ARHGAP33: variants seen among roughly 807,000 people sequenced by gnomAD.
ARHGAP33 encodes the protein Rho GTPase activating protein 33.
A neutral mutation model predicts 126.2 loss-of-function variants in ARHGAP33; 57 were observed. The observed-to-expected ratio is 0.45, with a 90% CI of 0.36 to 0.56. The LOEUF (loss-of-function observed/expected upper bound fraction) is 0.56, where lower values mean the gene tolerates loss of function less well. Ranked by LOEUF, ARHGAP33 falls within the 20% of genes least tolerant of loss-of-function variation. The pLI, the probability that ARHGAP33 is intolerant of heterozygous loss-of-function variation, is 0.00. For missense variants in ARHGAP33, 1,500 were observed against 1,748.3 expected (o/e 0.86, Z 2.53); for synonymous variants, 711 against 755.0 (o/e 0.94, Z 0.95).
At chr19:35,785,522 C>A in intron 19 of ARHGAP33, 39 bp downstream of exon 19, 1 of 1,612,482 alleles carries the variant, frequency 6.2e-7, no homozygotes, top group South Asian at 1.1e-5. Flanking sequence ...TACCTGTGCC[C>A]ATGTGGAGCC....
In ARHGAP33 at chr19:35,778,570, C is replaced by T. The variant is rs750869355; in HGVS notation, c.377C>T (p.Pro126Leu). 6.2e-7 allele frequency: 1 copy of T among 1,614,038 alleles called. No individual in the cohort carries two copies. Among genetic ancestry groups the T allele is most frequent in the South Asian group, 1.1e-5 (1 of 91,060 alleles). Reference sequence around the variant, plus strand: ...AGGTTCTCCTGCCTTCCGGAGCTTCCCCCGCCCCCCGAGGGTGCCAGGGCT... The same window carrying T: ...AGGTTCTCCTGCCTTCCGGAGCTTCTCCCGCCCCCCGAGGGTGCCAGGGCT... ...DRRFSCLPEL[P>L]PPPEGARAAQ... Residue 126 changes from proline to leucine, a missense_variant, in exon 5 of 21, where the codon CCC becomes CTC. Pro to Leu is a moderately conservative substitution (Grantham distance 98). Around this residue, in one of 6 missense-constraint regions of ARHGAP33, gnomAD observed 75 missense variants for 152.7 expected, o/e 0.49. Transcript: ENST00000007510.
At chr19:35,776,074 C>T (rs1460691735) in intron 1 of ARHGAP33, among the ~76,000 whole-genome samples, 1 of 149,866 alleles carries the variant, frequency 6.7e-6, no homozygotes, top group Non-Finnish European at 1.5e-5. Context: ...TCCCCACAGC[C>T]CCTTTCTCAT....
intron 19 of ARHGAP33, chr19:35,785,706 A>G: frequency 7.1e-7 from 1 of 1,398,638 alleles, no homozygotes; most frequent in African/African-American, 1.5e-5. Flanking sequence ...CGGGCCCTTT[A>G]AAAGTCTTTA....
rs938752616 is a variant in ARHGAP33 at position 35,786,015 on chromosome 19, C to T, written c.1943-398C>T. On this transcript the variant is annotated intron_variant, in intron 19 of 20. Coordinates refer to ENST00000007510, the MANE Select transcript of ARHGAP33 (RefSeq NM_001366178.1). The surrounding 1 kb of genome is among the most constrained non-coding windows in gnomAD (Gnocchi z 7.0). ...TCCATCGCTACCTCACAGCCCGCCG[C>T]GCTGCTGGGTGCTGCTCTCCGACCT... is the stretch of plus-strand genomic sequence containing the variant. 24 of 1,121,050 alleles carry T rather than the reference C, an allele frequency of 2.1e-5. No homozygotes were observed. Among genetic ancestry groups the T allele is most frequent in the African/African-American group, 1.5e-4 (9 of 61,312 alleles). The allele number at this position is 1,121,050 out of a possible 1,614,324, so 69.4% of individuals were successfully genotyped here.
chr19:35,782,244 C>A lies in ARHGAP33; in HGVS notation c.1086-129C>A. 9.6e-7 allele frequency: 1 copy of A among 1,042,600 alleles called. No homozygotes were observed. 64.6% of individuals were successfully genotyped at this position (1,042,600 alleles called of 1,614,324 possible). On this transcript the variant is annotated intron_variant, in intron 12 of 20. Transcript: ENST00000007510. The surrounding 1 kb of genome is among the most constrained non-coding windows in gnomAD (Gnocchi z 4.1). Reference sequence around the variant, plus strand: ...AGTAAGGTTCTGCCTCTGAAGAGCCCAGTGTAGGACCTGGGGAAGAGGGTT... The same window carrying A: ...AGTAAGGTTCTGCCTCTGAAGAGCCAAGTGTAGGACCTGGGGAAGAGGGTT...
Position 35,786,144 on chromosome 19 carries a change from C to A in ARHGAP33, c.1943-269C>A. On this transcript the variant is annotated intron_variant, in intron 19 of 20. Coordinates refer to ENST00000007510, the MANE Select transcript of ARHGAP33 (RefSeq NM_001366178.1). This position sits in a 1 kb window ranked among gnomAD's most constrained non-coding sequence, Gnocchi z 7.0. ...CTGGGGTACTGCCCTCCCACATACC[C>A]AGGAGCCCAGGTGCTGTCCTGCTGG... The A allele has an allele frequency of 7.4e-7, 1 of 1,349,254 alleles. No homozygotes were observed. The highest frequency in any genetic ancestry group is 9.5e-7 in the Non-Finnish European group (1 of 1,053,714). 83.6% of individuals were successfully genotyped at this position (1,349,254 alleles called of 1,614,324 possible).
chr19:35,787,862 C>G lies in ARHGAP33; in HGVS notation c.3297C>G (p.Gly1099=). The change falls in exon 21 of 21, where the codon GGC becomes GGG. Residue 1099 remains glycine, a synonymous_variant. Coordinates refer to ENST00000007510, the MANE Select transcript of ARHGAP33 (RefSeq NM_001366178.1). ...IGASEGSPYS[G]PTRSWSPFRS... ...CAAGTGAGGGGTCCCCCTATTCTGG[C>G]CCCACCCGCTCCTGGAGTCCCTTTC... 1 of 1,608,876 alleles carries G rather than the reference C, an allele frequency of 6.2e-7. No individual in the cohort carries two copies. The highest frequency in any genetic ancestry group is 1.3e-5 in the African/African-American group (1 of 74,686).
At chr19:35,780,704 C>T (rs1971716997) in intron 9 of ARHGAP33, 53 bp from the exon 10 acceptor site, 7 of 1,612,396 alleles carry the variant, frequency 4.3e-6, no homozygotes, top group Non-Finnish European at 5.9e-6. Context: ...GGTGGGGCCT[C>T]CTGCGTCTTT....
At chr19:35,780,878 C>G (rs377024802) in intron 10 of ARHGAP33, 42 bp from the exon 11 acceptor site, 2 of 1,612,308 alleles carry the variant, frequency 1.2e-6, no homozygotes, top group Non-Finnish European at 1.7e-6. Context: ...CCATGCTGAC[C>G]CCACAAGACC....
At chr19:35,778,630 C>T in intron 5 of ARHGAP33, 29 bp downstream of exon 5, 1 of 1,604,624 alleles carries the variant, frequency 6.2e-7, no homozygotes, top group Non-Finnish European at 8.5e-7. Flanking sequence ...CAGCCCCTGC[C>T]TCATGAGTGT....
rs766601180 is a variant in ARHGAP33 at position 35,786,932 on chromosome 19, C to T, written c.2462C>T (p.Thr821Ile). 22 of 1,610,936 alleles carry T rather than the reference C, an allele frequency of 1.4e-5. No individual in the cohort carries two copies. Among genetic ancestry groups the T allele is most frequent in the Non-Finnish European group, 1.9e-5 (22 of 1,179,596 alleles). Residue 821 changes from threonine (T) to isoleucine (I), a missense_variant, in exon 20 of 21, where the codon ACC becomes ATC. By Grantham distance (89) the Thr-to-Ile change is moderately conservative. Around this residue, in one of 6 missense-constraint regions of ARHGAP33, gnomAD observed 642 missense variants for 634.0 expected, o/e 1.01. Coordinates refer to ENST00000007510, the MANE Select transcript of ARHGAP33 (RefSeq NM_001366178.1). This position sits in a 1 kb window ranked among gnomAD's most constrained non-coding sequence, Gnocchi z 7.0. ...GCTGGGGGAGCACCTGCCTCAGCCA[C>T]CCCAACACCAGCTCTCAGCCCCGGC... ...LGAGGAPASATPTPALSPGRS... is the reference protein window; with the variant it reads ...LGAGGAPASAIPTPALSPGRS...
rs1972106474 is a variant in ARHGAP33, at chr19:35,786,289, C to T, written c.1943-124C>T. 7.0e-7 allele frequency: 1 copy of T among 1,436,016 alleles called. No homozygotes were observed. Among genetic ancestry groups the T allele is most frequent in the Non-Finnish European group, 9.1e-7 (1 of 1,099,682 alleles). 89.0% of individuals were successfully genotyped at this position (1,436,016 alleles called of 1,614,324 possible). On this transcript the variant is annotated intron_variant, in intron 19 of 20. Transcript: ENST00000007510. The surrounding 1 kb of genome is among the most constrained non-coding windows in gnomAD (Gnocchi z 7.0). ...TGGTCTCCACTGTCAATCTGAACAGCTCTTCCTGGCTTCACACTACTGTGG... is the reference window on the plus strand; with the variant it reads ...TGGTCTCCACTGTCAATCTGAACAGTTCTTCCTGGCTTCACACTACTGTGG...
chr19:35,785,499 A>T lies in ARHGAP33; in HGVS notation c.1942+16A>T. The T allele has an allele frequency of 6.2e-7, 1 of 1,614,106 alleles. No homozygotes were observed. The highest frequency in any genetic ancestry group is 8.5e-7 in the Non-Finnish European group (1 of 1,179,976). ...AGCGGGGCTGGTGAGCAAGGCGGGC[A>T]ATTGGGGGGCGCTACCTGTGCCCAT... On this transcript the variant is annotated intron_variant, in intron 19 of 20. Transcript: ENST00000007510.
chr19:35,785,064 C>T lies in ARHGAP33; in HGVS notation c.1679C>T (p.Thr560Met), dbSNP rs746433492. The T allele has an allele frequency of 1.9e-6, 3 of 1,562,790 alleles. No homozygotes were observed. The highest frequency in any genetic ancestry group is 2.4e-5 in the East Asian group (1 of 42,126). ...ARTQGRLGTP[T>M]EPTTPKAPAS... ...ACCCAGGGCCGGCTGGGGACGCCCA[C>T]GGAGCCCACAACTCCCAAGGCCCCG... The change falls in exon 17 of 21, where the codon ACG (threonine) becomes ATG (methionine). Residue 560 changes from threonine to methionine, a missense_variant. Thr to Met is a moderately conservative substitution (Grantham distance 81). Coordinates refer to ENST00000007510, the MANE Select transcript of ARHGAP33 (RefSeq NM_001366178.1).
Position 35,785,229 on chromosome 19 carries a change from G to A in ARHGAP33, c.1762G>A (p.Gly588Ser). The A allele has an allele frequency of 1.9e-6, 3 of 1,584,078 alleles. No individual in the cohort carries two copies. The highest frequency in any genetic ancestry group is 2.6e-6 in the Non-Finnish European group (3 of 1,162,614). Reference sequence around the variant, plus strand: ...AGGGGAGAAGCAGCGGAAGCCAGGGGGCAGCAGCTGGAAGACGTTCTTTGC... The same window carrying A: ...AGGGGAGAAGCAGCGGAAGCCAGGGAGCAGCAGCTGGAAGACGTTCTTTGC... ...ERGEKQRKPG[G>S]SSWKTFFALG... Residue 588 changes from glycine to serine, a missense_variant, in exon 18 of 21, where the codon GGC becomes AGC. Gly to Ser is a moderately conservative substitution (Grantham distance 56). Around this residue, in one of 6 missense-constraint regions of ARHGAP33, gnomAD observed 300 missense variants for 291.1 expected, o/e 1.03. Transcript: ENST00000007510.
Position 35,787,402 on chromosome 19 carries a change from C to T in ARHGAP33, c.2837C>T (p.Thr946Ile). 1 of 1,610,884 alleles carries T rather than the reference C, an allele frequency of 6.2e-7. No homozygotes were observed. Among genetic ancestry groups the T allele is most frequent in the South Asian group, 1.1e-5 (1 of 90,900 alleles). ...SLEVGGEPLG[T>I]SGSGPPPNSL... ...GAGGTGGGCGGGGAGCCCCTGGGGA[C>T]CTCAGGGAGTGGGCCACCTCCCAAC... The change falls in exon 21 of 21, where the codon ACC becomes ATC. Residue 946 changes from threonine (T) to isoleucine (I), a missense_variant. Physicochemically the swap from Thr to Ile is moderately conservative, Grantham distance 89. Coordinates refer to ENST00000007510, the MANE Select transcript of ARHGAP33 (RefSeq NM_001366178.1).
At position 35,786,937 on chromosome 19, in the gene ARHGAP33, A is replaced by G. The variant is rs753505429; in HGVS notation, c.2467A>G (p.Thr823Ala). The change falls in exon 20 of 21, where the codon ACA becomes GCA. Residue 823 changes from threonine to alanine, a missense_variant. Transcript: ENST00000007510. This position sits in a 1 kb window ranked among gnomAD's most constrained non-coding sequence, Gnocchi z 7.0. The part of the protein sequence containing the change: ...AGGAPASATP[T>A]PALSPGRSLR... ...GGGAGCACCTGCCTCAGCCACCCCA[A>G]CACCAGCTCTCAGCCCCGGCCGGAG... The G allele has an allele frequency of 6.2e-7, 1 of 1,610,960 alleles. No homozygotes were observed. Among genetic ancestry groups the G allele is most frequent in the Non-Finnish European group, 8.5e-7 (1 of 1,179,556 alleles).
chr19:35,785,914 T>C (rs899362707), intron 19 of ARHGAP33: 3 of 1,069,552 alleles, frequency 2.8e-6, no homozygotes, highest in Non-Finnish European at 3.4e-6. Context: ...TGCTCAGTTC[T>C]AGCCATTTTG....
chr19:35,780,401 T>A lies in ARHGAP33; in HGVS notation c.625-20T>A. On this transcript the variant is annotated intron_variant, in intron 7 of 20. Transcript: ENST00000007510. ...CCCCTGCTCCTTCTGACCCTTCTCT[T>A]CCCACCCGCCCTCTCCCAGGTGGGA... 1 of 1,600,880 alleles carries A rather than the reference T, an allele frequency of 6.2e-7. No individual in the cohort carries two copies. Among genetic ancestry groups the A allele is most frequent in the Non-Finnish European group, 8.5e-7 (1 of 1,171,186 alleles).
Sources: gnomAD v4.1 joint callset for allele counts (sites outside exome capture counted in the v4.1 genomes callset) on GRCh38, gnomAD v4.1.1 for gene constraint, gnomAD v4.1.1 regional missense constraint, Gnocchi (gnomAD v3.1) non-coding constraint, MANE v1.5 for transcripts, NCBI Gene and HGNC (gene_info 2026-07-23, HGNC 2026-07-21) for gene names.